EVC: variants seen among roughly 807,000 people sequenced by gnomAD.
EVC encodes EvC ciliary complex subunit 1, also known as evC complex member EVC.
Under a neutral mutation model 118.9 loss-of-function variants are expected in EVC, and 116 were observed. That is an observed-to-expected ratio of 0.98 (90% CI 0.84 to 1.14). EVC has a LOEUF of 1.14. Ranked by LOEUF, EVC falls within the 50% of genes most tolerant of loss-of-function variation. The pLI, the probability that EVC is intolerant of heterozygous loss-of-function variation, is 0.00. For synonymous variants in EVC, 619 were observed against 534.7 expected, an observed-to-expected ratio of 1.16 and a Z score of -2.18; for missense variants, 1,401 against 1,246.4, an observed-to-expected ratio of 1.12 and a Z score of -1.87.
In EVC at chr4:5,811,092, C is replaced by T; in HGVS notation, c.*55C>T. The T allele has an allele frequency of 7.0e-7, 1 of 1,430,120 alleles. No individual in the cohort carries two copies. The highest frequency in any genetic ancestry group is 9.7e-7 in the Non-Finnish European group (1 of 1,028,290). 88.6% of individuals were successfully genotyped at this position (1,430,120 alleles called of 1,614,324 possible). A position where few individuals can be genotyped will look rare whatever the true frequency, so the allele number is the denominator to read the frequency against. On this transcript the variant is annotated 3_prime_UTR_variant, in exon 21 of 21. Transcript: ENST00000264956. ...AAGCCCTGGGTCTGGGTGTGAATTCCACCTTCCCTCCTGCAGTGCTGAGAG... is the reference window on the plus strand; with the variant it reads ...AAGCCCTGGGTCTGGGTGTGAATTCTACCTTCCCTCCTGCAGTGCTGAGAG...
intron 12 of EVC, among the ~76,000 whole-genome samples, chr4:5,784,457 A>G (rs552755207): frequency 6.6e-6 from 1 of 152,296 alleles, no homozygotes; most frequent in Non-Finnish European, 1.5e-5. Context: ...AAAAGAGCAC[A>G]GCCCTGCTGA....
downstream of EVC, among the ~76,000 whole-genome samples, chr4:5,817,379 C>T (rs562092241): frequency 6.6e-6 from 1 of 152,262 alleles, no homozygotes; most frequent in East Asian, 1.9e-4. Flanking sequence ...GCCAGGCTGC[C>T]TAAGTGGTTT....
chr4:5,776,775 A>C (rs1734775283), intron 11 of EVC, among the ~76,000 whole-genome samples: 1 of 152,226 alleles, frequency 6.6e-6, no homozygotes, highest in East Asian at 1.9e-4. Context: ...GCTGCACCTA[A>C]ACTGCTATTA....
At position 5,756,595 on chromosome 4, in the gene EVC, G is replaced by A. The variant is rs1715993081; in HGVS notation, c.1563+233G>A. Among the ~76,000 whole-genome samples the A allele has an allele frequency of 6.6e-6, 1 of 152,194 alleles. No individual in the cohort carries two copies. The highest frequency in any genetic ancestry group is 1.5e-5 in the Non-Finnish European group (1 of 68,030). On this transcript the variant is annotated intron_variant, in intron 11 of 20. Transcript: ENST00000264956. The surrounding 1 kb of genome is among the most constrained non-coding windows in gnomAD (Gnocchi z 4.2). ...GCACCGTCCATTTTTGGGGTGCTGA[G>A]GATTCTTATCTCCACACATCCCTGT...
At chr4:5,810,881 TG>T in intron 20 of EVC, 71 bp from the exon 21 acceptor site, 3 of 1,362,764 alleles carry the variant, frequency 2.2e-6, no homozygotes, top group Non-Finnish European at 1.0e-6. Flanking sequence ...TTAATCCGAT[TG>T]GGTAAGTTAT....
chr4:5,801,140 T>C (rs572079751), intron 15 of EVC, among the ~76,000 whole-genome samples: 2 of 152,312 alleles, frequency 1.3e-5, no homozygotes, highest in Non-Finnish European at 2.9e-5. Context: ...GTAACATGGC[T>C]CAAAGAAATA....
intron 5 of EVC, among the ~76,000 whole-genome samples, chr4:5,741,220 C>T (rs1728517075): frequency 6.6e-6 from 1 of 152,194 alleles, no homozygotes; most frequent in East Asian, 1.9e-4. Context: ...ATTGCAGATA[C>T]AGCCCCCTCT....
At chr4:5,816,390 C>G (rs1297106436), downstream of EVC, among the ~76,000 whole-genome samples, 2 of 152,206 alleles carry the variant, frequency 1.3e-5, no homozygotes, top group African/African-American at 4.8e-5. Context: ...GGAGGCCACA[C>G]TTCCTGCAGG....
chr4:5,728,454 C>G (rs1224328527), intron 2 of EVC, among the ~76,000 whole-genome samples: 1 of 151,890 alleles, frequency 6.6e-6, no homozygotes, highest in Non-Finnish European at 1.5e-5. Flanking sequence ...AGTTGCTTAT[C>G]AGCTTAAGGA....
At chr4:5,750,529 T>C (rs949142291) in intron 8 of EVC, among the ~76,000 whole-genome samples, 2 of 152,306 alleles carry the variant, frequency 1.3e-5, no homozygotes, top group Middle Eastern at 3.4e-3. Context: ...AAACTGGAGC[T>C]CCCACTGCAG....
Position 5,754,833 on chromosome 4 carries a change from C to G in EVC, c.1464+900C>G, listed in dbSNP as rs1730919627. Among the ~76,000 whole-genome samples the G allele has an allele frequency of 6.7e-6, 1 of 149,672 alleles. No homozygotes were observed. Among genetic ancestry groups the G allele is most frequent in the Non-Finnish European group, 1.5e-5 (1 of 66,058 alleles). On this transcript the variant is annotated intron_variant, in intron 10 of 20. Coordinates refer to ENST00000264956, the MANE Select transcript of EVC (RefSeq NM_153717.3). This position sits in a 1 kb window ranked among gnomAD's most constrained non-coding sequence, Gnocchi z 5.8. ...TCAGTGAGACCAAGGAAGGGGCAGC[C>G]CCAGCCTCACTGTTTGCCTGGGTCC...
intron 8 of EVC, among the ~76,000 whole-genome samples, chr4:5,750,866 G>A (rs1379070568): frequency 1.3e-5 from 2 of 152,164 alleles, no homozygotes; most frequent in African/African-American, 4.8e-5. Flanking sequence ...TGCATACCGG[G>A]CACCAAAGGG....
chr4:5,786,409 G>A (rs1327221788), intron 12 of EVC, among the ~76,000 whole-genome samples: 1 of 152,120 alleles, frequency 6.6e-6, no homozygotes, highest in Non-Finnish European at 1.5e-5. Context: ...GTGAGCATAC[G>A]ATTGTGAATT....
chr4:5,779,523 G>A (rs1412553556), intron 11 of EVC, among the ~76,000 whole-genome samples: 2 of 147,136 alleles, frequency 1.4e-5, no homozygotes, highest in Admixed American at 1.4e-4. Flanking sequence ...TCATTGAGCA[G>A]TAGTTTGTAG....
rs762391134 is a variant in EVC at position 5,797,071 on chromosome 4, C to G, written c.1936C>G (p.Leu646Val). 1.2e-6 allele frequency: 2 copies of G among 1,613,498 alleles called. No homozygotes were observed. The highest frequency in any genetic ancestry group is 3.3e-5 in the Admixed American group (2 of 60,030). ...QGHDLLLRSA[L>V]RRLALRGNAL... ...GCATGACCTGCTGTTGCGCTCAGCC[C>G]TCCGGAGGCTGGCACTCCGCGGCAA... Residue 646 changes from leucine to valine, a missense_variant, in exon 14 of 21, where the codon CTC becomes GTC. Coordinates refer to ENST00000264956, the MANE Select transcript of EVC (RefSeq NM_153717.3).
At chr4:5,794,573 G>T (rs768309449) in intron 13 of EVC, among the ~76,000 whole-genome samples, 7 of 150,956 alleles carry the variant, frequency 4.6e-5, no homozygotes, top group Non-Finnish European at 1.0e-4. Context: ...ATCATGCCTG[G>T]CTAATTTTTG....
At chr4:5,724,672 G>T (rs1042214815) in intron 2 of EVC, among the ~76,000 whole-genome samples, 7 of 151,656 alleles carry the variant, frequency 4.6e-5, no homozygotes, top group African/African-American at 1.7e-4. Flanking sequence ...GCTTGGGGAG[G>T]TAGCGTACGT....
chr4:5,796,996 C>A, intron 13 of EVC, 26 bp from the exon 14 acceptor site: 1 of 1,563,992 alleles, frequency 6.4e-7, no homozygotes, highest in African/African-American at 1.3e-5. Flanking sequence ...AGCATTGACC[C>A]CACCCCTCAC....
At chr4:5,809,972 G>A (rs951742607) in intron 19 of EVC, among the ~76,000 whole-genome samples, 3 of 152,174 alleles carry the variant, frequency 2.0e-5, no homozygotes, top group Non-Finnish European at 4.4e-5. Context: ...CTCAGAAGGT[G>A]GTGTGAGAAC....
Sources: allele counts gnomAD v4.1 joint callset (sites outside exome capture counted in the v4.1 genomes callset), GRCh38; gene constraint gnomAD v4.1.1; non-coding constraint Gnocchi (gnomAD v3.1); transcripts MANE v1.5; gene names NCBI Gene and HGNC (gene_info 2026-07-23, HGNC 2026-07-21).